The following KIF18A variants were observed in gnomAD, a reference collection of about 807,000 sequenced individuals.
KIF18A encodes the protein kinesin family member 18A.
KIF18A carries 67 observed loss-of-function variants against 103.3 expected under a neutral mutation model. That is an observed-to-expected ratio of 0.65 (90% confidence interval 0.53 to 0.79). KIF18A has a LOEUF of 0.79. KIF18A is among the 30% of genes least tolerant of loss of function. The pLI is 0.00. For synonymous variants in KIF18A, 367 were observed against 355.5 expected (o/e 1.03, Z -0.36); for missense variants, 1,032 against 1,062.5 (o/e 0.97, Z 0.40).
At chr11:28,056,395 G>A (rs997543430) in intron 13 of KIF18A, among the ~76,000 whole-genome samples, 1 of 151,874 alleles carries the variant, frequency 6.6e-6, no homozygotes, top group Non-Finnish European at 1.5e-5. Flanking sequence ...ACTGAAGAAT[G>A]TGAGAAACAA....
chr11:28,091,978 G>C (rs1026567089), intron 3 of KIF18A, among the ~76,000 whole-genome samples: 2 of 152,106 alleles, frequency 1.3e-5, no homozygotes, highest in African/African-American at 4.8e-5. Context: ...ACCACGCCTG[G>C]CTAATTTTTT....
In KIF18A at chr11:28,077,154, C is replaced by T. The variant is rs1851104725; in HGVS notation, c.1278G>A (p.Leu426=). ...CTTCTCGATTCTGGAACAAGCAGTT[C>T]AGGATTTCTTGAAACCTACCAAAAT... ...EKEIERFQEI[L]NCLFQNREEI... is the part of the protein sequence containing the mutation. Residue 426 remains leucine, a synonymous_variant, in exon 10 of 17, where the codon CTG becomes CTA. Transcript: ENST00000263181. The T allele has an allele frequency of 6.4e-7, 1 of 1,571,280 alleles. No individual in the cohort carries two copies. Among genetic ancestry groups the T allele is most frequent in the African/African-American group, 1.4e-5 (1 of 71,710 alleles).
At chr11:28,105,824 T>C (rs939969974) in intron 1 of KIF18A, among the ~76,000 whole-genome samples, 1 of 152,236 alleles carries the variant, frequency 6.6e-6, no homozygotes, top group Non-Finnish European at 1.5e-5. Flanking sequence ...TGAACAACAA[T>C]GCTTTTCATT....
rs561688946 is a variant in KIF18A, at chr11:28,047,491, A to G, written c.1949-10827T>C. Among the ~76,000 whole-genome samples the G allele has an allele frequency of 2.6e-5, 4 of 152,158 alleles. 1 individual carries two copies. ...GGCCACCAGGAAAGTTACAATGGGG[A>G]TCATCTTATACAAACAACCAGAATT... On this transcript the variant is annotated intron_variant, in intron 13 of 16. Coordinates refer to ENST00000263181, the MANE Select transcript of KIF18A (RefSeq NM_031217.4).
chr11:28,091,063 T>C (rs1194530112), intron 4 of KIF18A, among the ~76,000 whole-genome samples: 2 of 151,884 alleles, frequency 1.3e-5, no homozygotes, highest in South Asian at 2.1e-4. Context: ...CTGAATAACA[T>C]GGTGAACTCC....
chr11:28,055,831 C>T (rs1590681946), intron 13 of KIF18A, among the ~76,000 whole-genome samples: 1 of 152,038 alleles, frequency 6.6e-6, no homozygotes, highest in African/African-American at 2.4e-5. Context: ...GAATTAAGAC[C>T]ACATGCAAGA....
chr11:28,107,270 A>G (rs1565094994), intron 1 of KIF18A, among the ~76,000 whole-genome samples: 1 of 152,054 alleles, frequency 6.6e-6, no homozygotes, highest in South Asian at 2.1e-4. Flanking sequence ...AATCTAAACT[A>G]TATATTATAC....
At chr11:28,079,516 C>T (rs1032690158) in intron 9 of KIF18A, among the ~76,000 whole-genome samples, 1 of 152,050 alleles carries the variant, frequency 6.6e-6, no homozygotes, top group African/African-American at 2.4e-5. Flanking sequence ...CCACTTTTGA[C>T]TATAATCTTG....
At chr11:28,094,323 T>G (rs1414752468) in intron 3 of KIF18A, among the ~76,000 whole-genome samples, 2 of 152,180 alleles carry the variant, frequency 1.3e-5, no homozygotes, top group African/African-American at 4.8e-5. Flanking sequence ...TTTTTACAAG[T>G]CTGCAACCTA....
intron 1 of KIF18A, among the ~76,000 whole-genome samples, chr11:28,103,238 T>C (rs1328108970): frequency 6.6e-6 from 1 of 151,534 alleles, no homozygotes; most frequent in African/African-American, 2.4e-5. Context: ...AGCACCAACA[T>C]GACACTCAAA....
chr11:28,054,097 A>T lies in KIF18A; in HGVS notation c.1948+4829T>A, dbSNP rs528689946. Among the ~76,000 whole-genome samples, 20 of 152,292 alleles carry T rather than the reference A, an allele frequency of 1.3e-4. No individual in the cohort carries two copies. The East Asian group carries it at 2.5e-3, about 19-fold the overall frequency. On this transcript the variant is annotated intron_variant, in intron 13 of 16. Coordinates refer to ENST00000263181, the MANE Select transcript of KIF18A (RefSeq NM_031217.4). ...TAGGGATAGTCAGATATGAGCACAA[A>T]GATAAATATACATATTTGCTTACTA...
At chr11:28,035,541 C>T (rs770907307) in intron 14 of KIF18A, 47 bp from the exon 15 acceptor site, 8 of 1,160,982 alleles carry the variant, frequency 6.9e-6, no homozygotes, top group South Asian at 1.9e-5. Context: ...TTGATTTGAA[C>T]TATGAAGAGA....
intron 9 of KIF18A, among the ~76,000 whole-genome samples, chr11:28,077,793 T>G (rs2133547827): frequency 6.6e-6 from 1 of 152,206 alleles, no homozygotes; most frequent in Admixed American, 6.5e-5. Context: ...ACATCCAAGT[T>G]TATAATGTGG....
At chr11:28,063,261 G>T (rs1850878348) in intron 11 of KIF18A, among the ~76,000 whole-genome samples, 1 of 151,950 alleles carries the variant, frequency 6.6e-6, no homozygotes, top group South Asian at 2.1e-4. Context: ...TTAAGAGCTG[G>T]ATCAGATGAT....
At chr11:28,106,308 T>C (rs1266637188) in intron 1 of KIF18A, among the ~76,000 whole-genome samples, 1 of 152,180 alleles carries the variant, frequency 6.6e-6, no homozygotes, top group East Asian at 1.9e-4. Flanking sequence ...ACAGTTATGA[T>C]ATATTAAATA....
At chr11:28,071,003 G>T (rs1851006350) in intron 10 of KIF18A, among the ~76,000 whole-genome samples, 1 of 152,270 alleles carries the variant, frequency 6.6e-6, no homozygotes, top group South Asian at 2.1e-4. Flanking sequence ...CTGCAGTGCA[G>T]TGAGCCATGA....
intron 13 of KIF18A, among the ~76,000 whole-genome samples, chr11:28,045,238 A>T (rs1850616289): frequency 6.6e-6 from 1 of 152,098 alleles, no homozygotes; most frequent in Non-Finnish European, 1.5e-5. Context: ...CTACAAATGT[A>T]TTTATTGGTG....
At position 28,069,248 on chromosome 11, in the gene KIF18A, G is replaced by C; in HGVS notation, c.1590+11C>G. 1.9e-6 allele frequency: 3 copies of C among 1,603,636 alleles called. No homozygotes were observed. Among genetic ancestry groups the C allele is most frequent in the Non-Finnish European group, 2.6e-6 (3 of 1,170,808 alleles). ...TACAAATTAAATCTGAACATACAGA[G>C]ATATTTGTACCTTTGGAATATGACC... On this transcript the variant is annotated intron_variant, in intron 11 of 16. Coordinates refer to ENST00000263181, the MANE Select transcript of KIF18A (RefSeq NM_031217.4).
intron 7 of KIF18A, chr11:28,084,379 A>ATACAATAC (rs1851200707): frequency 6.3e-6 from 1 of 158,108 alleles, no homozygotes; most frequent in Non-Finnish European, 1.4e-5. Flanking sequence ...TTAGGGAGAA[A>ATACAATAC]GCCACTCAAG....
Sources: allele counts gnomAD v4.1 joint callset (sites outside exome capture counted in the v4.1 genomes callset), GRCh38; gene constraint gnomAD v4.1.1; transcripts MANE v1.5; gene names NCBI Gene and HGNC (gene_info 2026-07-23, HGNC 2026-07-21).